Variants in CSF2RA observed in about 807,000 individuals in gnomAD.
CSF2RA encodes colony stimulating factor 2 receptor subunit alpha.
A neutral mutation model predicts 51.6 loss-of-function variants in CSF2RA; 42 were observed. The observed-to-expected ratio is 0.81, with a 90% CI of 0.64 to 1.05. CSF2RA has a LOEUF of 1.05. CSF2RA is among the 50% of genes least tolerant of loss of function. The pLI, the probability that CSF2RA is intolerant of heterozygous loss-of-function variation, is 0.00. For missense variants in CSF2RA, 530 were observed against 501.1 expected, an observed-to-expected ratio of 1.06 and a Z score of -0.55; for synonymous variants, 222 against 193.0, an observed-to-expected ratio of 1.15 and a Z score of -1.24.
At chrX:1,298,617 AC>A (rs1569507832) in intron 9 of CSF2RA, among the ~76,000 whole-genome samples, 1 of 76,526 alleles carries the variant, frequency 1.3e-5, no homozygotes, top group African/African-American at 5.3e-5. Flanking sequence ...CCTACTCACG[AC>A]CCCTACACTC....
At chrX:1,272,355 G>GA (rs34611038) in intron 1 of CSF2RA, among the ~76,000 whole-genome samples, 98,938 of 149,148 alleles carry the variant, frequency 0.66, 32,958 homozygotes, top group Middle Eastern at 0.79. Context: ...TGAGACTACA[G>GA]AAGGATAGGG....
chrX:1,286,259 C>T (rs1327926658), intron 4 of CSF2RA, among the ~76,000 whole-genome samples: 12 of 144,820 alleles, frequency 8.3e-5, no homozygotes, highest in South Asian at 2.2e-4. Flanking sequence ...GGTGACAGAG[C>T]GAGACTCTGT....
At position 1,304,314 on chromosome X, in the gene CSF2RA, C is replaced by G. The variant is rs1249865751; in HGVS notation, c.1043+295C>G. Among the ~76,000 whole-genome samples the G allele has an allele frequency of 3.6e-4, 34 of 94,994 alleles. 5 individuals carry two copies. In the East Asian group the frequency reaches 0.013, roughly 37 times the overall value. The allele number at this position is 94,994 out of a possible 152,430, so 62.3% of individuals were successfully genotyped here. A position where few individuals can be genotyped will look rare whatever the true frequency, so the allele number is the denominator to read the frequency against. ...ACTCGGGAGGCTGAGGCAGGAGAAT[C>G]GCTTGAACCCGGGAGGTGGAGGTTG... On this transcript the variant is annotated intron_variant, in intron 11 of 12. Transcript: ENST00000381529.
intron 4 of CSF2RA, among the ~76,000 whole-genome samples, chrX:1,286,404 A>C (rs2090662979): frequency 6.6e-6 from 1 of 152,020 alleles, no homozygotes; most frequent in African/African-American, 2.4e-5. Context: ...CCCCATCTCT[A>C]CTAAAAATAC....
intron 2 of CSF2RA, among the ~76,000 whole-genome samples, chrX:1,278,721 T>C (rs1278847101): frequency 8.9e-5 from 13 of 145,736 alleles, no homozygotes; most frequent in South Asian, 4.4e-4. Context: ...AAGTTTATTA[T>C]GAAAGTAAAA....
In CSF2RA at chrX:1,295,316, G is replaced by A. The variant is rs746658898; in HGVS notation, c.781-111G>A. The A allele has an allele frequency of 2.2e-6, 3 of 1,381,522 alleles. No homozygotes were observed. In the East Asian group the frequency reaches 6.8e-5, roughly 32 times the overall value. 85.6% of individuals were successfully genotyped at this position (1,381,522 alleles called of 1,614,324 possible). On this transcript the variant is annotated intron_variant, in intron 8 of 12. Coordinates refer to ENST00000381529, the MANE Select transcript of CSF2RA (RefSeq NM_172245.4). ...AGGGAGACCTGCCTGCCACTCCGCA[G>A]GGACTCCTTCCCATTCGGTGCCCAC... is the stretch of plus-strand genomic sequence containing the variant.
chrX:1,307,464 C>T (rs1221502716), intron 12 of CSF2RA, among the ~76,000 whole-genome samples: 3 of 146,304 alleles, frequency 2.1e-5, no homozygotes, highest in Non-Finnish European at 3.0e-5. Context: ...ATAAGGCCCA[C>T]CCTTACCCTT....
intron 3 of CSF2RA, among the ~76,000 whole-genome samples, chrX:1,283,915 A>G (rs2090340633): frequency 6.6e-6 from 1 of 152,006 alleles, no homozygotes; most frequent in Non-Finnish European, 1.5e-5. Context: ...CTGGCGTGGA[A>G]TGATAGCTCA....
the CSF2RA span, among the ~76,000 whole-genome samples, chrX:1,324,922 A>G: frequency 6.6e-6 from 1 of 152,086 alleles, no homozygotes; most frequent in Non-Finnish European, 1.5e-5. Flanking sequence ...CTGGGTACTC[A>G]GCGATCACAG....
downstream of CSF2RA, among the ~76,000 whole-genome samples, chrX:1,311,228 A>G (rs1295893843): frequency 6.7e-6 from 1 of 150,214 alleles, no homozygotes. Context: ...CAGCCTGGGC[A>G]ACAGAGTTAG....
intron 10 of CSF2RA, 50 bp from the exon 11 acceptor site, chrX:1,303,873 A>G (rs2083267040): frequency 6.9e-7 from 1 of 1,442,682 alleles, no homozygotes; most frequent in Non-Finnish European, 9.8e-7. Context: ...ATTTCCTTTC[A>G]CATGTCCGTC....
At chrX:1,296,328 T>C (rs1361974980) in intron 9 of CSF2RA, among the ~76,000 whole-genome samples, 16 of 103,014 alleles carry the variant, frequency 1.6e-4, no homozygotes, top group Middle Eastern at 7.8e-3. Context: ...CCCTACACTC[T>C]CCTACCCATG....
intron 2 of CSF2RA, chrX:1,282,056 T>C (rs866578618): frequency 2.6e-5 from 1 of 38,740 alleles, no homozygotes; most frequent in Non-Finnish European, 4.7e-5. Context: ...AAAAAAAAAA[T>C]TAGCTGGGTG....
downstream of CSF2RA, among the ~76,000 whole-genome samples, chrX:1,315,345 G>T (rs71214317): frequency 0.014 from 2,063 of 152,168 alleles, 17 homozygotes; most frequent in Non-Finnish European, 0.02. Flanking sequence ...ACAGATAATA[G>T]CTAGATACAT....
At chrX:1,272,680 G>A (rs1412829538) in intron 1 of CSF2RA, among the ~76,000 whole-genome samples, 7 of 150,298 alleles carry the variant, frequency 4.7e-5, no homozygotes, top group East Asian at 4.0e-4. Context: ...TAGTAGAGAC[G>A]GGGTTTCACC....
downstream of CSF2RA, among the ~76,000 whole-genome samples, chrX:1,313,960 C>T (rs191871751): frequency 1.1e-3 from 168 of 151,894 alleles, 1 homozygote; most frequent in South Asian, 1.7e-3. Flanking sequence ...GATTGCACTC[C>T]GGCCTGGGTG....
chrX:1,322,644 G>A, the CSF2RA span, among the ~76,000 whole-genome samples: 1 of 151,550 alleles, frequency 6.6e-6, no homozygotes, highest in African/African-American at 2.4e-5. Flanking sequence ...TCTCCTGAAC[G>A]CCCCTGGCTC....
At chrX:1,322,620 G>A in the CSF2RA span, among the ~76,000 whole-genome samples, 123 of 151,540 alleles carry the variant, frequency 8.1e-4, no homozygotes, top group African/African-American at 2.9e-3. Context: ...GGCAGCTCTC[G>A]GAGGAGCCAC....
At chrX:1,277,369 G>A (rs1249148042) in intron 2 of CSF2RA, among the ~76,000 whole-genome samples, 1 of 151,202 alleles carries the variant, frequency 6.6e-6, no homozygotes, top group Non-Finnish European at 1.5e-5. Context: ...AGGCAGAGGC[G>A]GGCGGATCAC....
Sources: allele counts gnomAD v4.1 joint callset (sites outside exome capture counted in the v4.1 genomes callset), GRCh38; gene constraint gnomAD v4.1.1; transcripts MANE v1.5; gene names NCBI Gene and HGNC (gene_info 2026-07-23, HGNC 2026-07-21).